Variants in CFAP69 observed in about 807,000 individuals in gnomAD.
CFAP69 encodes cilia- and flagella-associated protein 69.
In CFAP69, 92 loss-of-function variants were observed where a neutral mutation model predicts 123.0. The ratio of observed to expected loss-of-function variants is 0.75; its 90% CI spans 0.63 to 0.89. The LOEUF is 0.89. Among genes scored for constraint, CFAP69 ranks in the 40% least tolerant of loss-of-function variants. The pLI, the probability that CFAP69 is intolerant of heterozygous loss-of-function variation, is 0.00. For synonymous variants in CFAP69, 380 were observed against 364.3 expected (o/e 1.04, Z -0.49); for missense variants, 1,067 against 1,096.9 (o/e 0.97, Z 0.39).
intron 2 of CFAP69, 57 bp from the exon 3 acceptor site, chr7:90,258,041 T>G: frequency 7.9e-7 from 1 of 1,266,718 alleles, no homozygotes; most frequent in African/African-American, 1.5e-5. Context: ...GAAGAATTTT[T>G]TAAAATCTCA....
chr7:90,290,245 G>T (rs560704157), intron 15 of CFAP69, among the ~76,000 whole-genome samples: 4 of 152,172 alleles, frequency 2.6e-5, no homozygotes, highest in Non-Finnish European at 2.9e-5. Context: ...TCAGCAAGTG[G>T]AATACCCAGG....
chr7:90,278,891 A>G (rs1335151120), intron 11 of CFAP69, among the ~76,000 whole-genome samples: 1 of 152,152 alleles, frequency 6.6e-6, no homozygotes, highest in Non-Finnish European at 1.5e-5. Flanking sequence ...CACATGGACT[A>G]GTAAGGAACT....
chr7:90,258,511 C>T (rs1797924754), intron 3 of CFAP69, among the ~76,000 whole-genome samples: 1 of 152,154 alleles, frequency 6.6e-6, no homozygotes, highest in South Asian at 2.1e-4. Flanking sequence ...ATCATCTTCT[C>T]TGTCTGACCC....
intron 1 of CFAP69, among the ~76,000 whole-genome samples, chr7:90,248,801 T>A (rs1796617531): frequency 6.6e-6 from 1 of 152,196 alleles, no homozygotes; most frequent in Non-Finnish European, 1.5e-5. Flanking sequence ...AGTACCAGAA[T>A]TTTGGTGGCC....
At chr7:90,288,157 AG>A (rs1790576489) in intron 14 of CFAP69, 76 bp from the exon 15 acceptor site, 2 of 1,169,564 alleles carry the variant, frequency 1.7e-6, no homozygotes, top group Admixed American at 3.7e-5. Flanking sequence ...AAGCAATATT[AG>A]GGGACCGATA....
At chr7:90,266,511 TA>T (rs1799186536) in intron 5 of CFAP69, among the ~76,000 whole-genome samples, 1 of 152,180 alleles carries the variant, frequency 6.6e-6, no homozygotes, top group Non-Finnish European at 1.5e-5. Flanking sequence ...TTTTTTAAAA[TA>T]CCCCTGTTGC....
chr7:90,252,762 ATTGTTT>A (rs1797178659), intron 1 of CFAP69, among the ~76,000 whole-genome samples: 1 of 152,218 alleles, frequency 6.6e-6, no homozygotes, highest in Non-Finnish European at 1.5e-5. Context: ...TTCATTACAA[ATTGTTT>A]TTGATGCCAT....
At chr7:90,313,815 C>G (rs944746783), downstream of CFAP69, among the ~76,000 whole-genome samples, 5 of 152,002 alleles carry the variant, frequency 3.3e-5, no homozygotes, top group Non-Finnish European at 7.4e-5. Context: ...AGATAACTAC[C>G]CATTCTCAAG....
intron 1 of CFAP69, among the ~76,000 whole-genome samples, chr7:90,250,493 T>C (rs913193185): frequency 7.2e-5 from 11 of 152,156 alleles, no homozygotes; most frequent in African/African-American, 2.7e-4. Context: ...TGTAACTGAG[T>C]ATCAAATGAG....
In CFAP69 at chr7:90,307,816, G is replaced by T; in HGVS notation, c.2512G>T (p.Asp838Tyr). 6.2e-7 allele frequency: 1 copy of T among 1,612,194 alleles called. No individual in the cohort carries two copies. Among genetic ancestry groups the T allele is most frequent in the South Asian group, 1.1e-5 (1 of 90,930 alleles). The change falls in exon 21 of 23, where the codon GAT (aspartate) becomes TAT (tyrosine). Residue 838 changes from aspartate to tyrosine, a missense_variant. Asp to Tyr is a radical substitution (Grantham distance 160, BLOSUM62 -3). Coordinates refer to ENST00000389297, the MANE Select transcript of CFAP69 (RefSeq NM_001039706.3). ...AGAGCTGGCTAATAAATCATGGGAA[G>T]ATTTCTTGGCTAGAACATCAAACGC... is the stretch of plus-strand genomic sequence containing the variant. ...QRELANKSWE[D>Y]FLARTSNAKT...
chr7:90,281,846 C>T (rs925878530), intron 12 of CFAP69, among the ~76,000 whole-genome samples: 1 of 152,038 alleles, frequency 6.6e-6, no homozygotes, highest in African/African-American at 2.4e-5. Flanking sequence ...TTTATTACCC[C>T]TGTGACTGAT....
intron 5 of CFAP69, 134 bp from the exon 6 acceptor site, chr7:90,268,152 A>G (rs1799422552): frequency 1.7e-6 from 1 of 593,740 alleles, no homozygotes; most frequent in Admixed American, 3.3e-5. Context: ...ATATGCATAT[A>G]AATTGAACAT....
intron 16 of CFAP69, among the ~76,000 whole-genome samples, chr7:90,299,245 G>A (rs549789997): frequency 3.3e-5 from 5 of 152,232 alleles, no homozygotes; most frequent in African/African-American, 1.2e-4. Context: ...CATTGCTCTG[G>A]ATGGAATTTT....
At chr7:90,276,597 A>G (rs966413016) in intron 9 of CFAP69, among the ~76,000 whole-genome samples, 16 of 152,204 alleles carry the variant, frequency 1.1e-4, no homozygotes, top group African/African-American at 3.9e-4. Flanking sequence ...TTTTCATGCT[A>G]AGTAGGAACT....
the CFAP69 span, chr7:90,319,726 C>T: frequency 7.5e-6 from 3 of 398,194 alleles, no homozygotes; most frequent in Non-Finnish European, 1.3e-5. Context: ...TAGATAGAAC[C>T]ATCTTCTTGT....
chr7:90,263,926 TA>T (rs1798682185), intron 4 of CFAP69, among the ~76,000 whole-genome samples: 1 of 150,720 alleles, frequency 6.6e-6, no homozygotes, highest in Non-Finnish European at 1.5e-5. Flanking sequence ...CCATCTCTAT[TA>T]AAAATGCAAA....
intron 7 of CFAP69, 29 bp from the exon 8 acceptor site, chr7:90,271,752 C>G: frequency 1.9e-6 from 3 of 1,580,946 alleles, no homozygotes; most frequent in Non-Finnish European, 2.6e-6. Flanking sequence ...TATTGTAAAG[C>G]ACAAATAATT....
chr7:90,255,029 C>A (rs1200143767), intron 1 of CFAP69, among the ~76,000 whole-genome samples: 1 of 152,012 alleles, frequency 6.6e-6, no homozygotes, highest in African/African-American at 2.4e-5. Context: ...AAGGGGATAC[C>A]TAGTTGAGAA....
chr7:90,310,314 C>G lies in CFAP69; in HGVS notation c.*76C>G. 4 of 841,570 alleles carry G rather than the reference C, an allele frequency of 4.8e-6. No individual in the cohort carries two copies. Among genetic ancestry groups the G allele is most frequent in the Non-Finnish European group, 6.6e-6 (4 of 604,138 alleles). 52.1% of individuals were successfully genotyped at this position (841,570 alleles called of 1,614,324 possible). A position where few individuals can be genotyped will look rare whatever the true frequency, so the allele number is the denominator to read the frequency against. ...AATATATCTTTATACATATGTAAAG[C>G]CAATATTTTAGAATAAGTATTTTAG... On this transcript the variant is annotated 3_prime_UTR_variant, in exon 23 of 23. Coordinates refer to ENST00000389297, the MANE Select transcript of CFAP69 (RefSeq NM_001039706.3).
Sources: allele counts gnomAD v4.1 joint callset (sites outside exome capture counted in the v4.1 genomes callset), GRCh38; gene constraint gnomAD v4.1.1; transcripts MANE v1.5; gene names NCBI Gene and HGNC (gene_info 2026-07-23, HGNC 2026-07-21).